LPP: variants seen among roughly 807,000 people sequenced by gnomAD.
LPP encodes the protein lipoma-preferred partner.
Under a neutral mutation model 60.4 loss-of-function variants are expected in LPP, and 38 were observed. The observed-to-expected ratio is 0.63, with a 90% CI of 0.49 to 0.83. The LOEUF (loss-of-function observed/expected upper bound fraction) is 0.83, where lower values mean the gene tolerates loss of function less well. Ranked by LOEUF, LPP falls within the 40% of genes least tolerant of loss-of-function variation. The pLI is 0.00. For missense variants in LPP, 902 were observed against 783.6 expected (o/e 1.15, Z -1.80); for synonymous variants, 328 against 290.8 (o/e 1.13, Z -1.30).
At chr3:188,812,797 C>T (rs1373462088) in intron 9 of LPP, among the ~76,000 whole-genome samples, 1 of 150,576 alleles carries the variant, frequency 6.6e-6, no homozygotes, top group Admixed American at 6.6e-5. Context: ...CTCTCTCTCG[C>T]TGCAGCTTTC....
rs112587822 is a variant in LPP, at chr3:188,839,699, C to T, written c.1411-26501C>T. Among the ~76,000 whole-genome samples the T allele has an allele frequency of 7.8e-4, 119 of 151,828 alleles. 1 individual carries two copies. Among genetic ancestry groups the T allele is most frequent in the African/African-American group, 2.8e-3 (116 of 41,382 alleles). On this transcript the variant is annotated intron_variant, in intron 9 of 11. Transcript: ENST00000617246. ...ACCATCCTGGCCAACATGGTTAAAC[C>T]TCATCTCTATTAAAAAAAAAATACA...
chr3:188,642,354 T>C (rs1160119982), intron 7 of LPP, among the ~76,000 whole-genome samples: 2 of 152,216 alleles, frequency 1.3e-5, no homozygotes, highest in Non-Finnish European at 2.9e-5. Flanking sequence ...GTCCAGACAC[T>C]ATAAAGATGG....
rs748527755 is a variant in LPP, at chr3:188,708,486, G to C, written c.1240+93G>C. The C allele has an allele frequency of 5.2e-6, 8 of 1,547,390 alleles. No homozygotes were observed. In the African/African-American group the frequency reaches 1.1e-4, roughly 21 times the overall value. ...AACTATTATCAGCTCCACTGGTAAA[G>C]TATTTGAGTCCAGATGCATGAGAGT... On this transcript the variant is annotated intron_variant, in intron 8 of 11. Transcript: ENST00000617246.
At chr3:188,860,526 G>A (rs891661632) in intron 9 of LPP, among the ~76,000 whole-genome samples, 1 of 151,956 alleles carries the variant, frequency 6.6e-6, no homozygotes, top group African/African-American at 2.4e-5. Context: ...GGACACCTCT[G>A]GTCCTTCCGA....
At chr3:188,775,480 C>T (rs947564295) in intron 9 of LPP, among the ~76,000 whole-genome samples, 1 of 152,162 alleles carries the variant, frequency 6.6e-6, no homozygotes, top group Non-Finnish European at 1.5e-5. Flanking sequence ...TTTAAGGATA[C>T]ATTTAACCTG....
intron 1 of LPP, among the ~76,000 whole-genome samples, chr3:188,206,066 G>A (rs774659717): frequency 1.4e-4 from 21 of 152,144 alleles, no homozygotes; most frequent in East Asian, 1.9e-4. Context: ...GGCTTAGCAC[G>A]AGTCACGAGA....
chr3:188,209,715 G>C lies in LPP; in HGVS notation c.-189-15690G>C, dbSNP rs538417101. Among the ~76,000 whole-genome samples the C allele has an allele frequency of 3.9e-5, 6 of 152,346 alleles. No individual in the cohort carries two copies. In the South Asian group the frequency reaches 1.0e-3, roughly 26 times the overall value. ...CACAAAGGGTGGGAATGTGGCTTGGGCTGTGGGGTGGAGGTAGATGAACAG... is the reference window on the plus strand; with the variant it reads ...CACAAAGGGTGGGAATGTGGCTTGGCCTGTGGGGTGGAGGTAGATGAACAG... On this transcript the variant is annotated intron_variant, in intron 1 of 11. Transcript: ENST00000617246.
Position 188,645,887 on chromosome 3 carries a change from GA to G in LPP, c.1113+36051del, listed in dbSNP as rs544909803. Among the ~76,000 whole-genome samples, 7 of 150,786 alleles carry G rather than the reference GA, an allele frequency of 4.6e-5. No individual in the cohort carries two copies. The East Asian group carries it at 7.8e-4, about 17-fold the overall frequency. On this transcript the variant is annotated intron_variant, in intron 7 of 11. Coordinates refer to ENST00000617246, the MANE Select transcript of LPP (RefSeq NM_001375462.1). ...ATCTGAATCTAAGCAAAATTTTCAG[GA>G]AAAAAAATGTTTATAATCATTAGGT...
intron 1 of LPP, among the ~76,000 whole-genome samples, chr3:188,169,453 A>G (rs1720930268): frequency 6.6e-6 from 1 of 152,226 alleles, no homozygotes; most frequent in Non-Finnish European, 1.5e-5. Flanking sequence ...CTGTAGGAAC[A>G]TGAAGGTCCT....
At chr3:188,441,092 T>TA (rs1453978611) in intron 4 of LPP, among the ~76,000 whole-genome samples, 24 of 152,090 alleles carry the variant, frequency 1.6e-4, no homozygotes, top group Non-Finnish European at 1.5e-5. Flanking sequence ...TTTTTGTTTA[T>TA]AAAAAATATT....
rs561194609 is a variant in LPP, at chr3:188,616,333, T to G, written c.1113+6489T>G. On this transcript the variant is annotated intron_variant, in intron 7 of 11. Coordinates refer to ENST00000617246, the MANE Select transcript of LPP (RefSeq NM_001375462.1). ...AGCCAGTTTTTCTAGCACCATTTAT[T>G]GAGTAGGAAATCCTTTCCCCATTGC... is the stretch of plus-strand genomic sequence containing the variant. 1.6e-3 allele frequency among the ~76,000 whole-genome samples: 250 copies of G among 152,342 alleles called. 1 individual carries two copies. The highest frequency in any genetic ancestry group is 3.2e-3 in the Non-Finnish European group (218 of 68,016).
At chr3:188,805,142 T>A (rs1398251407) in intron 9 of LPP, among the ~76,000 whole-genome samples, 1 of 152,084 alleles carries the variant, frequency 6.6e-6, no homozygotes, top group Non-Finnish European at 1.5e-5. Flanking sequence ...TGAGGTATAC[T>A]AAACTGTGGT....
intron 6 of LPP, among the ~76,000 whole-genome samples, chr3:188,588,410 A>G (rs1398893486): frequency 6.6e-6 from 1 of 152,210 alleles, no homozygotes; most frequent in African/African-American, 2.4e-5. Flanking sequence ...GTCAACTAAA[A>G]TTAAAGGTAG....
chr3:188,251,703 C>CT (rs1338684176), intron 2 of LPP, among the ~76,000 whole-genome samples: 1 of 151,926 alleles, frequency 6.6e-6, no homozygotes, highest in African/African-American at 2.4e-5. Flanking sequence ...CTGCCCAAGA[C>CT]TGAGGGTATA....
chr3:188,630,211 G>T lies in LPP; in HGVS notation c.1113+20367G>T, dbSNP rs142730057. ...GCCTATAGAAAGAGAGAAAATATTT[G>T]CAAACTATGCATCTGACAGAAGTCT... On this transcript the variant is annotated intron_variant, in intron 7 of 11. Transcript: ENST00000617246. 7.9e-5 allele frequency among the ~76,000 whole-genome samples: 12 copies of T among 152,190 alleles called. No individual in the cohort carries two copies. The East Asian group carries it at 2.3e-3, about 29-fold the overall frequency.
chr3:188,470,105 A>G (rs1024366634), intron 4 of LPP, among the ~76,000 whole-genome samples: 4 of 152,124 alleles, frequency 2.6e-5, no homozygotes, highest in African/African-American at 9.7e-5. Context: ...ACACACATCT[A>G]GTAAATGGTT....
At chr3:188,840,754 T>A (rs1759748888) in intron 9 of LPP, among the ~76,000 whole-genome samples, 1 of 152,150 alleles carries the variant, frequency 6.6e-6, no homozygotes, top group African/African-American at 2.4e-5. Context: ...ATTATCCTCA[T>A]CTTACACATG....
At chr3:188,186,270 T>C (rs547600988) in intron 1 of LPP, among the ~76,000 whole-genome samples, 11 of 152,312 alleles carry the variant, frequency 7.2e-5, no homozygotes, top group Admixed American at 4.6e-4. Flanking sequence ...AGGGATTCTT[T>C]ACATTTTCAA....
intron 1 of LPP, among the ~76,000 whole-genome samples, chr3:188,220,541 G>C (rs551540756): frequency 6.6e-6 from 1 of 152,222 alleles, no homozygotes; most frequent in Non-Finnish European, 1.5e-5. Flanking sequence ...CGAGGTTTCA[G>C]GCCTGGCTGA....
Sources: allele counts gnomAD v4.1 joint callset (sites outside exome capture counted in the v4.1 genomes callset), GRCh38; gene constraint gnomAD v4.1.1; transcripts MANE v1.5; gene names NCBI Gene and HGNC (gene_info 2026-07-23, HGNC 2026-07-21).